Variants in ARID5B observed in about 807,000 individuals in gnomAD.
ARID5B encodes AT-rich interactive domain-containing protein 5B.
ARID5B carries 13 observed loss-of-function variants against 97.2 expected under a neutral mutation model. The ratio of observed to expected loss-of-function variants is 0.13; its 90% CI spans 0.09 to 0.21. ARID5B has a LOEUF of 0.21. Among genes scored for constraint, ARID5B ranks in the 10% least tolerant of loss-of-function variants. The pLI, the probability that ARID5B is intolerant of heterozygous loss-of-function variation, is 1.00. For synonymous variants in ARID5B, 556 were observed against 570.3 expected (o/e 0.97, Z 0.36); for missense variants, 1,210 against 1,465.3 (o/e 0.83, Z 2.84).
chr10:61,964,161 G>A (rs1478456515), intron 3 of ARID5B, among the ~76,000 whole-genome samples: 2 of 152,110 alleles, frequency 1.3e-5, no homozygotes, highest in African/African-American at 4.8e-5. Context: ...TCAGGGCCAC[G>A]ATAGCAGCCA....
At chr10:62,049,134 C>T (rs1002258504) in intron 4 of ARID5B, 1 of 1,173,936 alleles carries the variant, frequency 8.5e-7, no homozygotes. Flanking sequence ...CGTGCTCTGA[C>T]AAGGAGAGCA....
chr10:61,943,140 G>A lies in ARID5B; in HGVS notation c.502+2732G>A, dbSNP rs1340150002. ...ACAAAAACTTTCCTTAATGTAATGA[G>A]TTTCCATTATCTGCCTAATCTAAGG... On this transcript the variant is annotated intron_variant, in intron 3 of 9. Transcript: ENST00000279873. 2.6e-5 allele frequency among the ~76,000 whole-genome samples: 4 copies of A among 152,182 alleles called. 1 individual carries two copies. The highest frequency in any genetic ancestry group is 2.6e-4 in the Admixed American group (4 of 15,274).
intron 2 of ARID5B, among the ~76,000 whole-genome samples, chr10:61,921,187 T>C (rs1484083565): frequency 2.0e-5 from 3 of 152,244 alleles, no homozygotes; most frequent in Non-Finnish European, 4.4e-5. Context: ...TATTGTTGTG[T>C]AACAGATTAC....
chr10:61,907,758 CTG>C (rs1843730999), intron 2 of ARID5B, among the ~76,000 whole-genome samples: 1 of 152,266 alleles, frequency 6.6e-6, no homozygotes, highest in African/African-American at 2.4e-5. Flanking sequence ...GGCCCACTGT[CTG>C]TTTTTGTGAA....
At chr10:61,912,916 T>C (rs1239370646) in intron 2 of ARID5B, among the ~76,000 whole-genome samples, 1 of 152,244 alleles carries the variant, frequency 6.6e-6, no homozygotes, top group Non-Finnish European at 1.5e-5. Context: ...CTTTGGTTTT[T>C]GCTTGCCATT....
chr10:62,081,984 G>A (rs1202621045), intron 8 of ARID5B, among the ~76,000 whole-genome samples: 2 of 151,958 alleles, frequency 1.3e-5, no homozygotes, highest in Admixed American at 6.6e-5. Flanking sequence ...TTTTAACTTG[G>A]GTTGATTTTA....
At chr10:61,901,959 G>A (rs74156273) in intron 1 of ARID5B, among the ~76,000 whole-genome samples, 200 bp from the exon 2 acceptor site, 55 of 149,422 alleles carry the variant, frequency 3.7e-4, no homozygotes, top group African/African-American at 1.3e-3. Context: ...AGAAGTGGCG[G>A]TGGGGGGCCC....
chr10:61,942,788 T>C (rs1013002294), intron 3 of ARID5B, among the ~76,000 whole-genome samples: 1 of 152,268 alleles, frequency 6.6e-6, no homozygotes, highest in Non-Finnish European at 1.5e-5. Flanking sequence ...ACAGCGAGGC[T>C]CTGTCTCAAA....
chr10:61,947,859 T>C (rs1429999088), intron 3 of ARID5B, among the ~76,000 whole-genome samples: 1 of 152,214 alleles, frequency 6.6e-6, no homozygotes, highest in East Asian at 1.9e-4. Context: ...GCCCAGGTAC[T>C]TGTACTGCCA....
chr10:62,062,665 A>AT (rs1196617277), intron 7 of ARID5B, among the ~76,000 whole-genome samples: 2 of 151,126 alleles, frequency 1.3e-5, no homozygotes, highest in African/African-American at 4.9e-5. Context: ...GTATTTTTGC[A>AT]TTTGGTAAAA....
intron 4 of ARID5B, among the ~76,000 whole-genome samples, chr10:62,013,996 T>C (rs907564092): frequency 1.5e-4 from 23 of 152,124 alleles, no homozygotes; most frequent in African/African-American, 5.6e-4. Flanking sequence ...TTAAAATCTA[T>C]TCATCCTTTG....
chr10:62,091,902 C>G lies in ARID5B; in HGVS notation c.2439C>G (p.Leu813=). The stretch of plus-strand genomic sequence containing the variant: ...AAATTCAGGAGGGCAAGGATAAACT[C>G]TTAGAGAAAAGGGCCCTCCCCCATT... The part of the protein sequence containing the change: ...KQEIQEGKDK[L]LEKRALPHSH... Residue 813 remains leucine (L), a synonymous_variant, in exon 10 of 10, where the codon CTC becomes CTG. Transcript: ENST00000279873. 1 of 1,614,122 alleles carries G rather than the reference C, an allele frequency of 6.2e-7. No individual in the cohort carries two copies. The highest frequency in any genetic ancestry group is 1.1e-5 in the South Asian group (1 of 91,080).
At chr10:62,040,334 T>C (rs965592333) in intron 4 of ARID5B, among the ~76,000 whole-genome samples, 1 of 26,242 alleles carries the variant, frequency 3.8e-5, no homozygotes, top group African/African-American at 1.2e-4. Context: ...GATACTATTA[T>C]AACATTATAT....
At chr10:62,025,293 T>G (rs1254300817) in intron 4 of ARID5B, 1 of 152,220 alleles carries the variant, frequency 6.6e-6, no homozygotes, top group African/African-American at 2.4e-5. Flanking sequence ...GTGATTCATT[T>G]GTGCTTTATT....
At chr10:62,063,458 T>A (rs1038285955) in intron 7 of ARID5B, among the ~76,000 whole-genome samples, 1 of 152,010 alleles carries the variant, frequency 6.6e-6, no homozygotes, top group Admixed American at 6.6e-5. Flanking sequence ...CTGGTTTGAA[T>A]TGCGGATTAT....
At chr10:61,925,842 G>A (rs1421226250) in intron 2 of ARID5B, among the ~76,000 whole-genome samples, 1 of 152,184 alleles carries the variant, frequency 6.6e-6, no homozygotes, top group Non-Finnish European at 1.5e-5. Context: ...CGCAAATGCC[G>A]TTGGCTATAA....
intron 4 of ARID5B, chr10:62,049,262 C>G: frequency 1.4e-6 from 2 of 1,415,472 alleles, no homozygotes; most frequent in Non-Finnish European, 1.8e-6. Flanking sequence ...AGGCTCATCC[C>G]ACACACTCGG....
chr10:61,943,478 C>A (rs10994979), intron 3 of ARID5B, among the ~76,000 whole-genome samples: 5 of 149,830 alleles, frequency 3.3e-5, no homozygotes, highest in South Asian at 2.1e-4. Flanking sequence ...AGGCCCCCCC[C>A]CTTTTTTTCT....
chr10:61,936,479 G>A (rs1043098030), intron 2 of ARID5B, among the ~76,000 whole-genome samples: 11 of 152,268 alleles, frequency 7.2e-5, no homozygotes, highest in East Asian at 5.8e-4. Context: ...TTAGCCAGGC[G>A]TGATGGCAGG....
Sources: allele counts gnomAD v4.1 joint callset (sites outside exome capture counted in the v4.1 genomes callset), GRCh38; gene constraint gnomAD v4.1.1; transcripts MANE v1.5; gene names NCBI Gene and HGNC (gene_info 2026-07-23, HGNC 2026-07-21).